The following CELF4 variants were observed in gnomAD, a reference collection of about 807,000 sequenced individuals.
CELF4 encodes CUGBP Elav-like family member 4.
Under a neutral mutation model 59.9 loss-of-function variants are expected in CELF4, and 18 were observed. The observed-to-expected ratio is 0.30, with a 90% confidence interval of 0.21 to 0.45. The LOEUF (loss-of-function observed/expected upper bound fraction) is 0.45. Among genes scored for constraint, CELF4 ranks in the 20% least tolerant of loss-of-function variants. The pLI, the probability that CELF4 is intolerant of heterozygous loss-of-function variation, is 1.00. For synonymous variants in CELF4, 261 were observed against 267.1 expected, an observed-to-expected ratio of 0.98 and a Z score of 0.22; for missense variants, 456 against 689.0, an observed-to-expected ratio of 0.66 and a Z score of 3.79.
At chr18:37,427,056 G>A (rs2099618866) in intron 2 of CELF4, among the ~76,000 whole-genome samples, 1 of 151,300 alleles carries the variant, frequency 6.6e-6, no homozygotes, top group South Asian at 2.1e-4. Flanking sequence ...GGGAAGCTGG[G>A]CACCCTGGGT....
chr18:37,441,933 C>T (rs62083625), intron 2 of CELF4, among the ~76,000 whole-genome samples: 1 of 144,788 alleles, frequency 6.9e-6, no homozygotes, highest in Non-Finnish European at 1.5e-5. Context: ...TCACCGAAAC[C>T]GCAAAGACCC....
intron 3 of CELF4, among the ~76,000 whole-genome samples, chr18:37,287,694 C>A (rs11081993): frequency 0.29 from 44,602 of 152,028 alleles, 6,750 homozygotes; most frequent in South Asian, 0.37. Flanking sequence ...TGCTGCCCAC[C>A]CCAAGGAACT....
intron 1 of CELF4, among the ~76,000 whole-genome samples, chr18:37,556,463 G>A (rs1288677878): frequency 6.6e-6 from 1 of 152,248 alleles, no homozygotes; most frequent in Admixed American, 6.5e-5. Context: ...ATGGTGAGAT[G>A]TGGCCCTTTA....
At chr18:37,398,463 C>G (rs953075669) in intron 2 of CELF4, among the ~76,000 whole-genome samples, 1 of 152,216 alleles carries the variant, frequency 6.6e-6, no homozygotes, top group Admixed American at 6.5e-5. Flanking sequence ...CCTTGAGGAG[C>G]AGACATCCTG....
In CELF4 at chr18:37,369,081, G is replaced by C. The variant is rs575353896; in HGVS notation, c.370-47200C>G. On this transcript the variant is annotated intron_variant, in intron 2 of 12. Transcript: ENST00000420428. ...AACAAGCCTGAATAAGGTTCATTTT[G>C]AGATGCTTCCCCAGGGAGATGGAAA... 1.8e-4 allele frequency among the ~76,000 whole-genome samples: 28 copies of C among 152,220 alleles called. No homozygotes were observed. In the South Asian group the frequency reaches 5.6e-3, roughly 30 times the overall value.
chr18:37,326,654 C>T (rs969799595), intron 2 of CELF4, among the ~76,000 whole-genome samples: 2 of 152,312 alleles, frequency 1.3e-5, no homozygotes, highest in Admixed American at 6.5e-5. Flanking sequence ...GGGGTCAGTC[C>T]TCCGGGGACA....
At chr18:37,391,177 C>A (rs543577248) in intron 2 of CELF4, among the ~76,000 whole-genome samples, 14 of 152,218 alleles carry the variant, frequency 9.2e-5, no homozygotes, top group Admixed American at 8.5e-4. Context: ...AAGAAGCAGG[C>A]AGGGAGAGAA....
intron 1 of CELF4, among the ~76,000 whole-genome samples, chr18:37,561,534 C>T (rs1028045138): frequency 8.9e-5 from 13 of 146,226 alleles, no homozygotes; most frequent in African/African-American, 3.6e-4. Context: ...TCTTTGCTGC[C>T]TCCCATCCAG....
intron 1 of CELF4, among the ~76,000 whole-genome samples, chr18:37,519,441 T>C (rs1413235299): frequency 6.6e-6 from 1 of 152,184 alleles, no homozygotes; most frequent in Non-Finnish European, 1.5e-5. Flanking sequence ...GCAGGTCATC[T>C]TTCTTGGAGG....
At chr18:37,444,617 T>TACACACACACAC (rs61248144) in intron 2 of CELF4, among the ~76,000 whole-genome samples, 4,478 of 134,166 alleles carry the variant, frequency 0.033, 132 homozygotes, top group Admixed American at 0.069. Flanking sequence ...CTAGCATGCA[T>TACACACACACAC]ACACACACAC....
intron 3 of CELF4, among the ~76,000 whole-genome samples, chr18:37,296,878 G>A (rs1040465440): frequency 6.6e-6 from 1 of 152,156 alleles, no homozygotes; most frequent in Admixed American, 6.5e-5. Context: ...ACAGGAGGAC[G>A]CCCCTTCACC....
intron 2 of CELF4, among the ~76,000 whole-genome samples, chr18:37,365,483 T>TG (rs2098766254): frequency 7.3e-6 from 1 of 136,662 alleles, no homozygotes; most frequent in Admixed American, 7.3e-5. Flanking sequence ...ATGGGGCAAT[T>TG]TTTTTTTTTT....
intron 1 of CELF4, among the ~76,000 whole-genome samples, chr18:37,510,015 T>C (rs1289665249): frequency 2.6e-5 from 4 of 152,180 alleles, no homozygotes; most frequent in Admixed American, 2.0e-4. Flanking sequence ...GAGGTAGGAA[T>C]GGGGTATAAC....
At chr18:37,524,544 C>T (rs1227908521) in intron 1 of CELF4, among the ~76,000 whole-genome samples, 8 of 152,240 alleles carry the variant, frequency 5.3e-5, no homozygotes, top group Non-Finnish European at 8.8e-5. Flanking sequence ...TCAGCTCCCA[C>T]TTCTTGTTAA....
chr18:37,475,758 C>T (rs1185555626), intron 2 of CELF4, among the ~76,000 whole-genome samples: 1 of 152,156 alleles, frequency 6.6e-6, no homozygotes, highest in Admixed American at 6.5e-5. Flanking sequence ...TGAGAAAAGC[C>T]TCCTCCATCT....
intron 2 of CELF4, among the ~76,000 whole-genome samples, chr18:37,369,558 T>C (rs775055477): frequency 4.6e-5 from 7 of 152,208 alleles, no homozygotes; most frequent in African/African-American, 7.2e-5. Context: ...TACAATTCTT[T>C]AGACACTCTG....
Position 37,491,130 on chromosome 18 carries a change from G to A in CELF4, c.287-5523C>T, listed in dbSNP as rs545456310. On this transcript the variant is annotated intron_variant, in intron 1 of 12. Transcript: ENST00000420428. ...TCCCTATGGCACCCTCTTCTCACCC[G>A]AGAGGGGCCCCATGCCCACCTCCTC... 4.6e-4 allele frequency among the ~76,000 whole-genome samples: 69 copies of A among 151,568 alleles called. 1 individual carries two copies. The highest frequency in any genetic ancestry group is 6.8e-4 in the Non-Finnish European group (46 of 67,838).
At chr18:37,285,943 G>A (rs1179724524) in intron 3 of CELF4, among the ~76,000 whole-genome samples, 1 of 152,116 alleles carries the variant, frequency 6.6e-6, no homozygotes, top group East Asian at 1.9e-4. Flanking sequence ...TTCCGCTGGC[G>A]TCTGGCACAC....
chr18:37,352,735 C>T (rs750003927), intron 2 of CELF4, among the ~76,000 whole-genome samples: 4 of 152,176 alleles, frequency 2.6e-5, no homozygotes, highest in South Asian at 2.1e-4. Flanking sequence ...GCATTGGAAG[C>T]GGGGGATGAA....
Sources: allele counts gnomAD v4.1 joint callset (sites outside exome capture counted in the v4.1 genomes callset), GRCh38; gene constraint gnomAD v4.1.1; transcripts MANE v1.5; gene names NCBI Gene and HGNC (gene_info 2026-07-23, HGNC 2026-07-21).